CBARP: variants seen among roughly 807,000 people sequenced by gnomAD.
The protein encoded by CBARP is voltage-dependent calcium channel beta subunit-associated regulatory protein.
CBARP carries 24 observed loss-of-function variants against 36.3 expected under a neutral mutation model. That is an observed-to-expected ratio of 0.66 (90% confidence interval 0.48 to 0.93). CBARP has a LOEUF of 0.93. Ranked by LOEUF, CBARP falls within the 40% of genes least tolerant of loss-of-function variation. The pLI is 0.00. For synonymous variants in CBARP, 586 were observed against 453.2 expected, an observed-to-expected ratio of 1.29 and a Z score of -3.72; for missense variants, 1,146 against 980.4, an observed-to-expected ratio of 1.17 and a Z score of -2.26.
chr19:1,228,307 C>T lies in CBARP; in HGVS notation c.*872G>A, dbSNP rs1318127428. The T allele has an allele frequency of 3.4e-5, 9 of 265,636 alleles. No individual in the cohort carries two copies. Among genetic ancestry groups the T allele is most frequent in the Non-Finnish European group, 6.1e-5 (9 of 148,058 alleles). The allele number at this position is 265,636 out of a possible 1,614,324, so 16.5% of individuals were successfully genotyped here. A position where few individuals can be genotyped will look rare whatever the true frequency, so the allele number is the denominator to read the frequency against. On this transcript the variant is annotated 3_prime_UTR_variant, in exon 10 of 10. Coordinates refer to ENST00000650044, the MANE Select transcript of CBARP (RefSeq NM_001393918.1). Reference sequence around the variant, plus strand: ...AGGAGTGTGCGGTCAATATTTATATCATCCAGAAAAGAAAAACACGAGAAA... The same window carrying T: ...AGGAGTGTGCGGTCAATATTTATATTATCCAGAAAAGAAAAACACGAGAAA...
intron 7 of CBARP, 106 bp from the exon 8 acceptor site, chr19:1,233,742 A>T: frequency 9.1e-7 from 1 of 1,102,138 alleles, no homozygotes; most frequent in Non-Finnish European, 1.3e-6. Context: ...GCCCCCCATC[A>T]CTGGGACAGA....
At chr19:1,236,590 C>G (rs555391518) in intron 1 of CBARP, among the ~76,000 whole-genome samples, 145 of 152,050 alleles carry the variant, frequency 9.5e-4, no homozygotes, top group African/African-American at 3.4e-3. Context: ...AGGGCCCACC[C>G]GGCCATGGTT....
chr19:1,229,717 C>T lies in CBARP; in HGVS notation c.1580G>A (p.Arg527His). The change falls in exon 10 of 10, where the codon CGC becomes CAC. Residue 527 changes from arginine to histidine, a missense_variant. Coordinates refer to ENST00000650044, the MANE Select transcript of CBARP (RefSeq NM_001393918.1). This position sits in a 1 kb window ranked among gnomAD's most constrained non-coding sequence, Gnocchi z 5.1. ...GCGGCGGGGCCAGGCGCGCGGGCTG[C>T]GGGGCCGGGCGGGCGCGGCAGGTGG... ...TEPPAAPARPRSPRAWPRRPR... is the reference protein window; with the variant it reads ...TEPPAAPARPHSPRAWPRRPR... 1.0e-6 allele frequency: 1 copy of T among 983,542 alleles called. No homozygotes were observed. The highest frequency in any genetic ancestry group is 1.2e-6 in the Non-Finnish European group (1 of 829,698). 60.9% of individuals were successfully genotyped at this position (983,542 alleles called of 1,614,324 possible).
chr19:1,235,204 C>T (rs888309478), intron 4 of CBARP, 59 bp from the exon 5 acceptor site: 24 of 1,418,370 alleles, frequency 1.7e-5, no homozygotes, highest in Admixed American at 5.8e-5. Context: ...CGCCTGGTCC[C>T]GGGAGGGCTG....
intron 1 of CBARP, 139 bp from the exon 2 acceptor site, chr19:1,236,260 G>C: frequency 8.1e-7 from 1 of 1,232,258 alleles, no homozygotes; most frequent in Non-Finnish European, 1.0e-6. Context: ...AGAGCCGGAG[G>C]CAGCCTCCAC....
chr19:1,231,147 G>C lies in CBARP; in HGVS notation c.1108C>G (p.Pro370Ala), dbSNP rs773021394. The stretch of plus-strand genomic sequence containing the variant: ...CTGGCCAGAAAGGGGCGGGGGTGCG[G>C]GAAGGCCACGGCGTCGCCCGCCCGG... ...IARAGDAVAF[P>A]HPRPFLASPP... The change falls in exon 9 of 10, where the codon CCG becomes GCG. Residue 370 changes from proline (P) to alanine (A), a missense_variant. Transcript: ENST00000650044. 8.1e-6 allele frequency: 13 copies of C among 1,600,478 alleles called. No individual in the cohort carries two copies. The Admixed American group carries it at 2.2e-4, about 27-fold the overall frequency.
In CBARP at chr19:1,229,048, G is replaced by C. The variant is rs1339249637; in HGVS notation, c.*131C>G. 5 of 206,100 alleles carry C rather than the reference G, an allele frequency of 2.4e-5. No homozygotes were observed. The highest frequency in any genetic ancestry group is 4.2e-5 in the Non-Finnish European group (5 of 120,380). 12.8% of individuals were successfully genotyped at this position (206,100 alleles called of 1,614,324 possible). ...AGCGGCGAGCGCGCCTCCGTCGCCC[G>C]GCGCGTGCGCGAAGGGCCCGCGGTC... On this transcript the variant is annotated 3_prime_UTR_variant, in exon 10 of 10. Coordinates refer to ENST00000650044, the MANE Select transcript of CBARP (RefSeq NM_001393918.1). This position sits in a 1 kb window ranked among gnomAD's most constrained non-coding sequence, Gnocchi z 5.1.
chr19:1,235,394 G>A, intron 4 of CBARP, 107 bp downstream of exon 4: 1 of 1,274,358 alleles, frequency 7.8e-7, no homozygotes, highest in Non-Finnish European at 1.1e-6. Context: ...GCCCAGTCTG[G>A]TGGGGGAGAC....
intron 8 of CBARP, among the ~76,000 whole-genome samples, chr19:1,232,106 C>G (rs1211028031): frequency 1.3e-5 from 2 of 152,090 alleles, no homozygotes; most frequent in East Asian, 3.9e-4. Flanking sequence ...CCTGCCTCGG[C>G]CCCCTTCTCC....
intron 9 of CBARP, chr19:1,230,858 CG>C (rs780254035): frequency 2.4e-5 from 36 of 1,497,470 alleles, no homozygotes; most frequent in Non-Finnish European, 2.8e-5. Flanking sequence ...GCGCCATCCT[CG>C]GGGGGCCCCT....
At chr19:1,230,952 G>A in intron 9 of CBARP, 149 bp downstream of exon 9, 1 of 1,577,088 alleles carries the variant, frequency 6.3e-7, no homozygotes, top group Non-Finnish European at 8.6e-7. Context: ...GCCCCAGTGA[G>A]TCCGCCTCTG....
intron 6 of CBARP, 100 bp from the exon 7 acceptor site, chr19:1,234,431 C>A (rs1219523654): frequency 2.1e-6 from 3 of 1,434,544 alleles, no homozygotes; most frequent in East Asian, 5.0e-5. Context: ...GGCTTGGCCC[C>A]CTGCCCTGCT....
In CBARP at chr19:1,230,865, C is replaced by T. The variant is rs200691204; in HGVS notation, c.1154+236G>A. On this transcript the variant is annotated intron_variant, in intron 9 of 9. Transcript: ENST00000650044. ...CAGTACCAGCGCCATCCTCGGGGGG[C>T]CCCTCCTCCCCACCCACCGCCCTAC... 10 of 1,499,366 alleles carry T rather than the reference C, an allele frequency of 6.7e-6. No homozygotes were observed. The East Asian group carries it at 1.4e-4, about 21-fold the overall frequency. 92.9% of individuals were successfully genotyped at this position (1,499,366 alleles called of 1,614,324 possible). A position where few individuals can be genotyped will look rare whatever the true frequency, so the allele number is the denominator to read the frequency against.
intron 3 of CBARP, 62 bp downstream of exon 3, chr19:1,235,717 C>T: frequency 1.2e-6 from 2 of 1,604,378 alleles, no homozygotes; most frequent in Non-Finnish European, 1.7e-6. Flanking sequence ...GGTAGACCCC[C>T]CACCACCCGA....
In CBARP at chr19:1,231,110, G is replaced by A. The variant is rs2080885205; in HGVS notation, c.1145C>T (p.Ala382Val). Residue 382 changes from alanine (A) to valine (V), a missense_variant, in exon 9 of 10, where the codon GCT (alanine) becomes GTT (valine). Ala to Val is a moderately conservative substitution (Grantham distance 64, BLOSUM62 0). Transcript: ENST00000650044. ...ATCTACTGAAAAATACCTGCCGAGA[G>A]CAGGGGGCGGGCTGGCCAGAAAGGG... ...PRPFLASPPP[A>V]LGRLEAAEAA... is the part of the protein sequence containing the mutation. The A allele has an allele frequency of 1.3e-6, 2 of 1,597,560 alleles. No individual in the cohort carries two copies. Among genetic ancestry groups the A allele is most frequent in the South Asian group, 1.1e-5 (1 of 89,942 alleles).
rs778145931 is a variant in CBARP at position 1,234,254 on chromosome 19, C to T, written c.705G>A (p.Ala235=). ...TGATCTCTGCGAAGTCAGTGGCGCC[C>T]GCGGCTGAGTTGTAGGGGTCACCTG... ...ALPGDPYNSA[A]GATDFAEISP... is the part of the protein sequence containing the mutation. Residue 235 remains alanine (A), a synonymous_variant, in exon 7 of 10, where the codon GCG becomes GCA. Coordinates refer to ENST00000650044, the MANE Select transcript of CBARP (RefSeq NM_001393918.1). 16 of 1,478,576 alleles carry T rather than the reference C, an allele frequency of 1.1e-5. No individual in the cohort carries two copies. Among genetic ancestry groups the T allele is most frequent in the Admixed American group, 1.1e-4 (4 of 37,622 alleles). 91.6% of individuals were successfully genotyped at this position (1,478,576 alleles called of 1,614,324 possible).
intron 9 of CBARP, 45 bp from the exon 10 acceptor site, chr19:1,230,187 C>G: frequency 1.0e-6 from 1 of 996,162 alleles, no homozygotes; most frequent in Non-Finnish European, 1.2e-6. Context: ...AGCCCCGCGC[C>G]CCCTACCCGG....
At chr19:1,235,453 GGGGCGGAT>G (rs747599783) in intron 4 of CBARP, 40 bp downstream of exon 4, 1 of 1,519,360 alleles carries the variant, frequency 6.6e-7, no homozygotes, top group South Asian at 1.2e-5. Context: ...GGGTGGCCGA[GGGGCGGAT>G]GGACAGGCGA....
chr19:1,230,082 C>T lies in CBARP; in HGVS notation c.1215G>A (p.Ala405=). ...ASPDSPPERG[A]GSAGPEQQQP... is the part of the protein sequence containing the mutation. ...GCTGCTGCTCAGGCCCCGCGCTGCCCGCGCCGCGCTCCGGGGGGGAATCGG... is the reference window on the plus strand; with the variant it reads ...GCTGCTGCTCAGGCCCCGCGCTGCCTGCGCCGCGCTCCGGGGGGGAATCGG... The change falls in exon 10 of 10, where the codon GCG becomes GCA. Residue 405 remains alanine, a synonymous_variant. Transcript: ENST00000650044. The T allele has an allele frequency of 7.2e-6, 8 of 1,105,488 alleles. No homozygotes were observed. Among genetic ancestry groups the T allele is most frequent in the African/African-American group, 6.9e-5 (4 of 58,296 alleles). The allele number at this position is 1,105,488 out of a possible 1,614,324, so 68.5% of individuals were successfully genotyped here.
Sources: gnomAD v4.1 joint callset for allele counts (sites outside exome capture counted in the v4.1 genomes callset) on GRCh38, gnomAD v4.1.1 for gene constraint, Gnocchi (gnomAD v3.1) non-coding constraint, MANE v1.5 for transcripts, NCBI Gene and HGNC (gene_info 2026-07-23, HGNC 2026-07-21) for gene names.